Variants in RBMS1 observed in about 807,000 individuals in gnomAD.
RBMS1 encodes the protein RNA binding motif single stranded interacting protein 1, also known as RNA-binding motif, single-stranded-interacting protein 1.
RBMS1 carries 17 observed loss-of-function variants against 62.3 expected under a neutral mutation model. The observed-to-expected ratio is 0.27, with a 90% CI of 0.19 to 0.41. The LOEUF (loss-of-function observed/expected upper bound fraction) is 0.41. RBMS1 is among the 10% of genes least tolerant of loss of function. The pLI, the probability that RBMS1 is intolerant of heterozygous loss-of-function variation, is 1.00. For missense variants in RBMS1, 334 were observed against 504.5 expected (o/e 0.66, Z 3.24); for synonymous variants, 172 against 170.0 (o/e 1.01, Z -0.09).
chr2:160,333,652 A>G (rs1691403208), intron 2 of RBMS1, among the ~76,000 whole-genome samples: 2 of 152,190 alleles, frequency 1.3e-5, no homozygotes, highest in African/African-American at 4.8e-5. Flanking sequence ...AGCTCTTCCC[A>G]AACCACACAA....
At chr2:160,410,205 G>A (rs1295650402) in intron 1 of RBMS1, among the ~76,000 whole-genome samples, 5 of 110,260 alleles carry the variant, frequency 4.5e-5, no homozygotes, top group African/African-American at 1.7e-4. Context: ...CTGGGTGACA[G>A]AGTGAGACCC....
rs530173160 is a variant in RBMS1, at chr2:160,292,472, T to C, written c.641-5388A>G. On this transcript the variant is annotated intron_variant, in intron 6 of 13. Transcript: ENST00000348849. ...CTTCTGGTTCAGAAGGTCTAAACAC[T>C]TGGGGACTGGCCTGTTATCCATGGG... Among the ~76,000 whole-genome samples the C allele has an allele frequency of 2.6e-5, 4 of 152,300 alleles. No individual in the cohort carries two copies. The South Asian group carries it at 6.2e-4, about 24-fold the overall frequency.
rs532144282 is a variant in RBMS1, at chr2:160,281,385, A to G, written c.901-21T>C. On this transcript the variant is annotated intron_variant, in intron 9 of 13. Transcript: ENST00000348849. ...TGCACCTAGAAAAGGGAGGATTTTGAAAGAAATATTGATTTTCATTGTAAA... is the reference window on the plus strand; with the variant it reads ...TGCACCTAGAAAAGGGAGGATTTTGGAAGAAATATTGATTTTCATTGTAAA... 23 of 1,586,210 alleles carry G rather than the reference A, an allele frequency of 1.5e-5. No homozygotes were observed. In the South Asian group the frequency reaches 1.9e-4, roughly 13 times the overall value.
chr2:160,469,057 C>G (rs1330098354), intron 1 of RBMS1, among the ~76,000 whole-genome samples: 1 of 152,188 alleles, frequency 6.6e-6, no homozygotes, highest in African/African-American at 2.4e-5. Flanking sequence ...GACAGAGCCA[C>G]TTGGATTCAT....
chr2:160,481,265 T>C (rs2105357030), intron 1 of RBMS1, among the ~76,000 whole-genome samples: 1 of 150,560 alleles, frequency 6.6e-6, no homozygotes, highest in East Asian at 2.0e-4. Context: ...CAATAACAAA[T>C]CTTGATGCTA....
At chr2:160,443,836 T>C (rs186696449) in intron 1 of RBMS1, among the ~76,000 whole-genome samples, 9 of 152,306 alleles carry the variant, frequency 5.9e-5, no homozygotes, top group Admixed American at 1.3e-4. Flanking sequence ...ACACAAGAAA[T>C]AGAATATTGG....
At chr2:160,344,820 G>C (rs1692085955) in intron 2 of RBMS1, among the ~76,000 whole-genome samples, 1 of 152,108 alleles carries the variant, frequency 6.6e-6, no homozygotes, top group Non-Finnish European at 1.5e-5. Context: ...TTAGCACAGT[G>C]CTGGACACAT....
At chr2:160,321,699 CA>C (rs1178897614) in intron 2 of RBMS1, among the ~76,000 whole-genome samples, 1 of 152,134 alleles carries the variant, frequency 6.6e-6, no homozygotes, top group Non-Finnish European at 1.5e-5. Context: ...CACTAGCACT[CA>C]CTCTCCCAAT....
intron 2 of RBMS1, among the ~76,000 whole-genome samples, chr2:160,344,866 T>C (rs1196140381): frequency 2.0e-5 from 3 of 152,142 alleles, no homozygotes; most frequent in Admixed American, 6.5e-5. Flanking sequence ...AAACTGGACC[T>C]AGTATACAAT....
intron 2 of RBMS1, among the ~76,000 whole-genome samples, chr2:160,358,175 G>C (rs1026441021): frequency 2.0e-5 from 3 of 152,060 alleles, no homozygotes; most frequent in Admixed American, 6.6e-5. Flanking sequence ...CCATTTATTG[G>C]GCAGGGGACG....
chr2:160,449,085 C>T (rs1425103665), intron 1 of RBMS1, among the ~76,000 whole-genome samples: 1 of 150,768 alleles, frequency 6.6e-6, no homozygotes, highest in Non-Finnish European at 1.5e-5. Flanking sequence ...AAGTGAGGAG[C>T]CCCTCCGCCC....
intron 1 of RBMS1, among the ~76,000 whole-genome samples, chr2:160,467,254 A>G (rs1052925808): frequency 1.3e-5 from 2 of 152,186 alleles, no homozygotes; most frequent in African/African-American, 2.4e-5. Context: ...GAGGAATGCA[A>G]AATGAACGCA....
chr2:160,333,662 A>G (rs189464582), intron 2 of RBMS1, among the ~76,000 whole-genome samples: 71 of 152,278 alleles, frequency 4.7e-4, no homozygotes, highest in South Asian at 1.2e-3. Flanking sequence ...AAACCACACA[A>G]TTCACTGATG....
chr2:160,490,540 A>C (rs1685779775), intron 1 of RBMS1, among the ~76,000 whole-genome samples: 2 of 152,138 alleles, frequency 1.3e-5, no homozygotes, highest in African/African-American at 4.8e-5. Flanking sequence ...ATTTGCTCCA[A>C]TATAGCCCAA....
intron 1 of RBMS1, among the ~76,000 whole-genome samples, chr2:160,375,429 A>G (rs948998965): frequency 6.6e-6 from 1 of 152,250 alleles, no homozygotes; most frequent in Non-Finnish European, 1.5e-5. Flanking sequence ...AATGTAAAAC[A>G]AAAAACAATC....
chr2:160,389,456 G>C (rs931066114), intron 1 of RBMS1, among the ~76,000 whole-genome samples: 5 of 152,004 alleles, frequency 3.3e-5, no homozygotes, highest in African/African-American at 1.2e-4. Flanking sequence ...CCAGCACTTC[G>C]GGAGGCCAAG....
intron 1 of RBMS1, among the ~76,000 whole-genome samples, chr2:160,368,609 T>C (rs1693544842): frequency 6.6e-6 from 1 of 152,164 alleles, no homozygotes; most frequent in African/African-American, 2.4e-5. Context: ...TTCCATAATA[T>C]CTCAACATAT....
chr2:160,332,848 G>A (rs1312304358), intron 2 of RBMS1, among the ~76,000 whole-genome samples: 1 of 149,732 alleles, frequency 6.7e-6, no homozygotes, highest in Non-Finnish European at 1.5e-5. Flanking sequence ...TATATATAAA[G>A]TATGTTTTTT....
chr2:160,363,849 C>G (rs545230659), intron 2 of RBMS1, among the ~76,000 whole-genome samples: 1 of 151,222 alleles, frequency 6.6e-6, no homozygotes, highest in African/African-American at 2.4e-5. Context: ...ATGGAGGAGG[C>G]AGCCAAGAAA....
Sources: gnomAD v4.1 joint callset for allele counts (sites outside exome capture counted in the v4.1 genomes callset) on GRCh38, gnomAD v4.1.1 for gene constraint, MANE v1.5 for transcripts, NCBI Gene and HGNC (gene_info 2026-07-23, HGNC 2026-07-21) for gene names.